INTS7: variants seen among roughly 807,000 people sequenced by gnomAD.
The protein encoded by INTS7 is integrator complex subunit 7.
In INTS7, 46 loss-of-function variants were observed where a neutral mutation model predicts 109.2. The observed-to-expected ratio is 0.42, with a 90% CI of 0.33 to 0.54. The LOEUF is 0.54. INTS7 is among the 20% of genes least tolerant of loss of function. INTS7 has a pLI of 0.07. For missense variants in INTS7, 929 were observed against 1,132.4 expected, an observed-to-expected ratio of 0.82 and a Z score of 2.58; for synonymous variants, 412 against 402.9, an observed-to-expected ratio of 1.02 and a Z score of -0.27.
chr1:212,000,919 G>A (rs1375050837), intron 7 of INTS7, among the ~76,000 whole-genome samples: 2 of 152,032 alleles, frequency 1.3e-5, no homozygotes, highest in Non-Finnish European at 2.9e-5. Flanking sequence ...ACCCACTCAA[G>A]GCCATTGCTG....
Position 212,007,395 on chromosome 1 carries a change from A to G in INTS7, c.611T>C (p.Met204Thr), listed in dbSNP as rs374840678. 1 of 1,613,894 alleles carries G rather than the reference A, an allele frequency of 6.2e-7. No individual in the cohort carries two copies. The highest frequency in any genetic ancestry group is 8.5e-7 in the Non-Finnish European group (1 of 1,179,902). The change falls in exon 6 of 20, where the codon ATG becomes ACG. Residue 204 changes from methionine (M) to threonine (T), a missense_variant. This residue lies in a region of INTS7 where 787 missense variants were observed against 901.1 expected (regional missense o/e 0.87). Transcript: ENST00000366994. ...KLKLIPILQH[M>T]HHDAILASSA... ...GGAAGCCAAGATTGCATCATGGTGC[A>G]TGTGCTGTAGAATGGGTATCAATTT...
intron 7 of INTS7, among the ~76,000 whole-genome samples, chr1:211,994,344 TA>T (rs2102448462): frequency 6.6e-6 from 1 of 151,680 alleles, no homozygotes; most frequent in South Asian, 2.1e-4. Flanking sequence ...ATCTAGGCTA[TA>T]AAAAATGATT....
chr1:211,980,016 G>A (rs1158160213), intron 10 of INTS7, among the ~76,000 whole-genome samples: 5 of 152,018 alleles, frequency 3.3e-5, no homozygotes, highest in Non-Finnish European at 4.4e-5. Flanking sequence ...ACCTTTCTTG[G>A]CCATCTATGT....
intron 1 of INTS7, among the ~76,000 whole-genome samples, chr1:212,021,553 A>G (rs1344163034): frequency 6.6e-6 from 1 of 152,032 alleles, no homozygotes. Flanking sequence ...AAGAAAAAAA[A>G]AAGCACGTTT....
chr1:212,013,089 A>G (rs1314303871), intron 4 of INTS7, among the ~76,000 whole-genome samples: 1 of 152,212 alleles, frequency 6.6e-6, no homozygotes, highest in Admixed American at 6.5e-5. Flanking sequence ...CACACTACAT[A>G]CTGACAGTGG....
At chr1:212,021,258 T>C (rs764270314) in intron 1 of INTS7, 46 bp from the exon 2 acceptor site, 7 of 1,549,946 alleles carry the variant, frequency 4.5e-6, no homozygotes, top group South Asian at 1.2e-5. Flanking sequence ...GTTTGCATAT[T>C]TGTGGCTACA....
intron 19 of INTS7, among the ~76,000 whole-genome samples, chr1:211,944,153 T>C (rs917207714): frequency 5.9e-5 from 9 of 152,210 alleles, no homozygotes; most frequent in Non-Finnish European, 1.3e-4. Context: ...TAAAATTTAC[T>C]TAAAATGGAG....
intron 13 of INTS7, among the ~76,000 whole-genome samples, chr1:211,970,331 T>C (rs950380602): frequency 2.6e-5 from 4 of 152,212 alleles, no homozygotes; most frequent in African/African-American, 9.7e-5. Context: ...CCTAGCACTA[T>C]GTAGTTTTAA....
At chr1:211,969,264 G>A (rs993329439) in intron 13 of INTS7, among the ~76,000 whole-genome samples, 11 of 149,740 alleles carry the variant, frequency 7.3e-5, no homozygotes, top group African/African-American at 2.5e-4. Context: ...CAGCCTGGGC[G>A]ATAGAACGAG....
chr1:212,012,269 G>C (rs1313470567), intron 4 of INTS7, among the ~76,000 whole-genome samples: 3 of 152,106 alleles, frequency 2.0e-5, no homozygotes, highest in African/African-American at 4.8e-5. Flanking sequence ...GGAGATTGGG[G>C]GGGGAGGGGG....
chr1:211,941,180 T>C lies in INTS7; in HGVS notation c.*644A>G, dbSNP rs1161970267. 1 of 152,342 alleles carries C rather than the reference T, an allele frequency of 6.6e-6. No individual in the cohort carries two copies. The highest frequency in any genetic ancestry group is 2.4e-5 in the African/African-American group (1 of 41,414). 9.4% of individuals were successfully genotyped at this position (152,342 alleles called of 1,614,324 possible). A position where few individuals can be genotyped will look rare whatever the true frequency, so the allele number is the denominator to read the frequency against. The stretch of plus-strand genomic sequence containing the variant: ...GAACCTCCCAATGAACAACTCAGAA[T>C]CCTAGGTCTAAGTCAGGCAGCAAAT... On this transcript the variant is annotated 3_prime_UTR_variant, in exon 20 of 20. Coordinates refer to ENST00000366994, the MANE Select transcript of INTS7 (RefSeq NM_015434.4).
At chr1:212,015,108 C>G (rs903156407) in intron 4 of INTS7, among the ~76,000 whole-genome samples, 1 of 148,626 alleles carries the variant, frequency 6.7e-6, no homozygotes, top group African/African-American at 2.6e-5. Context: ...CCCGCCCGGG[C>G]AGCCGCCCCG....
intron 7 of INTS7, among the ~76,000 whole-genome samples, chr1:211,993,624 G>T (rs956224120): frequency 6.8e-6 from 1 of 148,148 alleles, no homozygotes; most frequent in African/African-American, 2.5e-5. Context: ...AGGTTGCAGT[G>T]AGCTGAGACG....
intron 13 of INTS7, among the ~76,000 whole-genome samples, chr1:211,974,274 A>ATATATATATAT (rs1553249475): frequency 9.1e-4 from 72 of 79,484 alleles, no homozygotes; most frequent in African/African-American, 2.2e-3. Context: ...CCAGAAAAAA[A>ATATATATATAT]AAATATATAT....
At chr1:211,966,360 T>C (rs1663879201) in intron 16 of INTS7, 70 bp downstream of exon 16, 1 of 876,540 alleles carries the variant, frequency 1.1e-6, no homozygotes. Context: ...AAAATAGTCT[T>C]CTGATGATTA....
intron 1 of INTS7, among the ~76,000 whole-genome samples, chr1:212,023,923 C>T (rs903993435): frequency 1.3e-5 from 2 of 152,206 alleles, no homozygotes; most frequent in Non-Finnish European, 2.9e-5. Flanking sequence ...TTTCATTCTT[C>T]TGCATAGGGC....
intron 16 of INTS7, among the ~76,000 whole-genome samples, chr1:211,965,846 G>C (rs886711462): frequency 6.6e-6 from 1 of 152,134 alleles, no homozygotes; most frequent in African/African-American, 2.4e-5. Context: ...TGGGTACTAA[G>C]CCTAAAATCT....
intron 8 of INTS7, 28 bp downstream of exon 8, chr1:211,987,858 T>C: frequency 8.0e-7 from 1 of 1,243,626 alleles, no homozygotes; most frequent in South Asian, 1.3e-5. Flanking sequence ...GCACATTATT[T>C]ATATGGTATC....
chr1:211,974,087 A>G (rs1664294286), intron 13 of INTS7, among the ~76,000 whole-genome samples: 1 of 151,922 alleles, frequency 6.6e-6, no homozygotes, highest in Non-Finnish European at 1.5e-5. Flanking sequence ...TCTGCCTCAC[A>G]CTGTTTTGTA....
Sources: gnomAD v4.1 joint callset for allele counts (sites outside exome capture counted in the v4.1 genomes callset) on GRCh38, gnomAD v4.1.1 for gene constraint, gnomAD v4.1.1 regional missense constraint, MANE v1.5 for transcripts, NCBI Gene and HGNC (gene_info 2026-07-23, HGNC 2026-07-21) for gene names.